Variants in ATP6V1E1 observed in about 807,000 individuals in gnomAD.
The protein encoded by ATP6V1E1 is V-type proton ATPase subunit E 1.
In ATP6V1E1, 21 loss-of-function variants were observed where a neutral mutation model predicts 35.2. That is an observed-to-expected ratio of 0.60 (90% CI 0.42 to 0.86). The LOEUF is 0.86. Ranked by LOEUF, ATP6V1E1 falls within the 40% of genes least tolerant of loss-of-function variation. ATP6V1E1 has a pLI of 0.00. For missense variants in ATP6V1E1, 183 were observed against 272.6 expected, an observed-to-expected ratio of 0.67 and a Z score of 2.32; for synonymous variants, 83 against 87.8, an observed-to-expected ratio of 0.95 and a Z score of 0.30.
chr22:17,608,959 G>A (rs900677463), intron 4 of ATP6V1E1, among the ~76,000 whole-genome samples: 2 of 151,878 alleles, frequency 1.3e-5, no homozygotes, highest in Non-Finnish European at 1.5e-5. Flanking sequence ...AGTGGCGGGC[G>A]TCTGTAGTCC....
At chr22:17,612,620 G>C (rs567717205) in intron 4 of ATP6V1E1, 192 bp downstream of exon 4, 167 of 559,228 alleles carry the variant, frequency 3.0e-4, no homozygotes, top group Non-Finnish European at 3.4e-4. Context: ...AGTCTTACAT[G>C]CTCTTTAGAT....
At chr22:17,609,196 T>A (rs1853222071) in intron 4 of ATP6V1E1, among the ~76,000 whole-genome samples, 1 of 151,918 alleles carries the variant, frequency 6.6e-6, no homozygotes, top group African/African-American at 2.4e-5. Flanking sequence ...AGTCTCACTC[T>A]GTCGCCCAGG....
In ATP6V1E1 at chr22:17,628,595, C is replaced by A. The variant is rs1208934184; in HGVS notation, c.33+8G>T. 1.2e-6 allele frequency: 2 copies of A among 1,614,154 alleles called. No individual in the cohort carries two copies. Among genetic ancestry groups the A allele is most frequent in the East Asian group, 2.2e-5 (1 of 44,888 alleles). On this transcript the variant is annotated splice_region_variant and intron_variant, in intron 1 of 8. Transcript: ENST00000253413. ...CGCGGCTTCGTAAGACCCAACCAAG[C>A]CCCTCACCTGCTTTTGCACGTCAGC...
intron 1 of ATP6V1E1, among the ~76,000 whole-genome samples, chr22:17,620,965 G>A (rs1274847676): frequency 2.0e-5 from 3 of 152,098 alleles, no homozygotes; most frequent in African/African-American, 7.2e-5. Flanking sequence ...GGGAGGCTGA[G>A]GCAGGAGAAT....
intron 8 of ATP6V1E1, among the ~76,000 whole-genome samples, chr22:17,594,029 C>G (rs982340448): frequency 1.3e-5 from 2 of 152,110 alleles, no homozygotes; most frequent in African/African-American, 4.8e-5. Flanking sequence ...ATGGTGAAAC[C>G]CCGTCTCTAC....
chr22:17,616,406 T>C (rs4996242), intron 2 of ATP6V1E1, among the ~76,000 whole-genome samples: 52,786 of 151,810 alleles, frequency 0.35, 9,493 homozygotes, highest in African/African-American at 0.41. Context: ...AGGCCAGGCG[T>C]GGTGGCTCAC....
At chr22:17,598,926 T>C (rs2057747203) in intron 6 of ATP6V1E1, among the ~76,000 whole-genome samples, 1 of 152,144 alleles carries the variant, frequency 6.6e-6, no homozygotes, top group African/African-American at 2.4e-5. Context: ...AAGTGTCCAG[T>C]GACAGATGAA....
Position 17,598,064 on chromosome 22 carries a change from T to C in ATP6V1E1, c.530+130A>G, listed in dbSNP as rs57754481. 69,871 of 714,344 alleles carry C rather than the reference T, an allele frequency of 0.098. 5,927 individuals are homozygous for C. The highest frequency in any genetic ancestry group is 0.35 in the African/African-American group (19,981 of 56,370). The allele number at this position is 714,344 out of a possible 1,614,324, so 44.3% of individuals were successfully genotyped here. A position where few individuals can be genotyped will look rare whatever the true frequency, so the allele number is the denominator to read the frequency against. On this transcript the variant is annotated intron_variant, in intron 7 of 8. Coordinates refer to ENST00000253413, the MANE Select transcript of ATP6V1E1 (RefSeq NM_001696.4). ...ACAACAGGAACGGCTGCAAGTAGAATACACCACAGCTCTAGCCTTGTGTCT... is the reference window on the plus strand; with the variant it reads ...ACAACAGGAACGGCTGCAAGTAGAACACACCACAGCTCTAGCCTTGTGTCT...
At chr22:17,611,508 A>T (rs540083807) in intron 4 of ATP6V1E1, among the ~76,000 whole-genome samples, 1 of 152,240 alleles carries the variant, frequency 6.6e-6, no homozygotes, top group Non-Finnish European at 1.5e-5. Context: ...TACACTTAAC[A>T]TCCTCACTGA....
In ATP6V1E1 at chr22:17,592,279, T is replaced by C. The variant is rs2057706492; in HGVS notation, c.*395A>G. ...AAACAGGTAACAGTAAAGCGACTAC[T>C]GCTGGAAGGAGTGGTGTGCCACATG... On this transcript the variant is annotated 3_prime_UTR_variant, in exon 9 of 9. Transcript: ENST00000253413. The C allele has an allele frequency of 5.1e-6, 1 of 196,968 alleles. No individual in the cohort carries two copies. The highest frequency in any genetic ancestry group is 1.1e-5 in the Non-Finnish European group (1 of 94,946). The allele number at this position is 196,968 out of a possible 1,614,324, so 12.2% of individuals were successfully genotyped here.
intron 4 of ATP6V1E1, among the ~76,000 whole-genome samples, chr22:17,608,639 A>G (rs775940517): frequency 1.3e-5 from 2 of 152,046 alleles, no homozygotes; most frequent in African/African-American, 2.4e-5. Context: ...TATTTATCAG[A>G]CTGGTCTCAA....
intron 5 of ATP6V1E1, 22 bp from the exon 6 acceptor site, chr22:17,600,117 G>A (rs993022458): frequency 3.1e-6 from 5 of 1,602,642 alleles, no homozygotes; most frequent in Non-Finnish European, 4.3e-6. Context: ...AGTAGATACA[G>A]TCAGTAGAAA....
intron 1 of ATP6V1E1, among the ~76,000 whole-genome samples, chr22:17,622,150 G>GA (rs1333431168): frequency 1.3e-5 from 2 of 151,602 alleles, no homozygotes; most frequent in Admixed American, 6.6e-5. Flanking sequence ...ATCCAAAAAG[G>GA]AAAAAAAAGC....
chr22:17,596,686 A>G (rs1405981403), intron 7 of ATP6V1E1, among the ~76,000 whole-genome samples: 1 of 152,092 alleles, frequency 6.6e-6, no homozygotes, highest in Non-Finnish European at 1.5e-5. Context: ...AAGATTACCC[A>G]GGTAGTAAGT....
In ATP6V1E1 at chr22:17,613,334, A is replaced by AC. The variant is rs1409129198; in HGVS notation, c.100-15_100-14insG. The AC allele has an allele frequency of 6.2e-7, 1 of 1,602,402 alleles. No homozygotes were observed. The highest frequency in any genetic ancestry group is 8.5e-7 in the Non-Finnish European group (1 of 1,169,776). On this transcript the variant is annotated splice_polypyrimidine_tract_variant and intron_variant, in intron 2 of 8. Coordinates refer to ENST00000253413, the MANE Select transcript of ATP6V1E1 (RefSeq NM_001696.4). ...CTCTTCTTCTGCCTAGAGGGAAATTAGTCAATATTAATTCATTACATCAAG... is the reference window on the plus strand; with the variant it reads ...CTCTTCTTCTGCCTAGAGGGAAATTACGTCAATATTAATTCATTACATCAAG...
At position 17,600,062 on chromosome 22, in the gene ATP6V1E1, C is replaced by G; in HGVS notation, c.400G>C (p.Val134Leu). ...GGGAAATCTTGTTTCCTGCAACGAA[C>G]AATCATTCGGGGCTCCAGCAACTGG... is the stretch of plus-strand genomic sequence containing the variant. Reference protein sequence around the residue: ...LYQLLEPRMIVRCRKQDFPLV... With the variant: ...LYQLLEPRMILRCRKQDFPLV... The change falls in exon 6 of 9, where the codon GTT becomes CTT. Residue 134 changes from valine (V) to leucine (L), a missense_variant. Coordinates refer to ENST00000253413, the MANE Select transcript of ATP6V1E1 (RefSeq NM_001696.4). 1 of 1,613,928 alleles carries G rather than the reference C, an allele frequency of 6.2e-7. No homozygotes were observed. Among genetic ancestry groups the G allele is most frequent in the African/African-American group, 1.3e-5 (1 of 74,994 alleles).
At chr22:17,624,820 CA>C (rs899319377) in intron 1 of ATP6V1E1, among the ~76,000 whole-genome samples, 72 of 141,182 alleles carry the variant, frequency 5.1e-4, no homozygotes, top group Non-Finnish European at 4.8e-4. Context: ...GACTCCATCT[CA>C]AAAAAAAAAA....
In ATP6V1E1 at chr22:17,598,219, G is replaced by C. The variant is rs772357793; in HGVS notation, c.505C>G (p.Gln169Glu). Reference sequence around the variant, plus strand: ...ATGTCTTCAGGCAGGTAGGACTCCTGGTCAATTTGGACATCAACATCGTTT... The same window carrying C: ...ATGTCTTCAGGCAGGTAGGACTCCTCGTCAATTTGGACATCAACATCGTTT... Reference protein sequence around the residue: ...TKNDVDVQIDQESYLPEDIAG... With the variant: ...TKNDVDVQIDEESYLPEDIAG... The change falls in exon 7 of 9, where the codon CAG (glutamine) becomes GAG (glutamate). Residue 169 changes from glutamine (Q) to glutamate (E), a missense_variant. Coordinates refer to ENST00000253413, the MANE Select transcript of ATP6V1E1 (RefSeq NM_001696.4). 1 of 1,613,760 alleles carries C rather than the reference G, an allele frequency of 6.2e-7. No individual in the cohort carries two copies. The highest frequency in any genetic ancestry group is 1.7e-5 in the Admixed American group (1 of 60,004).
intron 1 of ATP6V1E1, among the ~76,000 whole-genome samples, chr22:17,621,763 C>G (rs1349925490): frequency 6.6e-6 from 1 of 152,120 alleles, no homozygotes; most frequent in African/African-American, 2.4e-5. Flanking sequence ...AACATTCTTC[C>G]TTCTAACTTT....
Sources: gnomAD v4.1 joint callset for allele counts (sites outside exome capture counted in the v4.1 genomes callset) on GRCh38, gnomAD v4.1.1 for gene constraint, MANE v1.5 for transcripts, NCBI Gene and HGNC (gene_info 2026-07-23, HGNC 2026-07-21) for gene names.